ZNF366: variants seen among roughly 807,000 people sequenced by gnomAD.
The protein encoded by ZNF366 is zinc finger protein 366, also known as dendritic cell-specific transcript protein.
ZNF366 carries 20 observed loss-of-function variants against 47.2 expected under a neutral mutation model. That is an observed-to-expected ratio of 0.42 (90% CI 0.30 to 0.62). The LOEUF is 0.62. Ranked by LOEUF, ZNF366 falls within the 20% of genes least tolerant of loss-of-function variation. The pLI is 0.16. For synonymous variants in ZNF366, 421 were observed against 395.1 expected (o/e 1.07, Z -0.78); for missense variants, 987 against 976.3 (o/e 1.01, Z -0.15).
At chr5:72,469,077 A>G (rs552503349) in intron 1 of ZNF366, among the ~76,000 whole-genome samples, 1 of 152,242 alleles carries the variant, frequency 6.6e-6, no homozygotes, top group Non-Finnish European at 1.5e-5. Flanking sequence ...AAATGACAGC[A>G]TATTCAGTCT....
rs1053815061 is a variant in ZNF366 at position 72,447,396 on chromosome 5, G to A, written c.1546C>T (p.Arg516Trp). Residue 516 changes from arginine to tryptophan, a missense_variant, in exon 4 of 5, where the codon CGG becomes TGG. This residue lies in a region of ZNF366 where 111 missense variants were observed against 180.5 expected (regional missense o/e 0.61). Transcript: ENST00000318442. ...KCKLCGKEFN[R>W]MHNLMGHMHL... ...ATGTGGCCCATCAGGTTGTGCATCCGGTTGAATTCCTTCCCACAAAGCTGT... is the reference window on the plus strand; with the variant it reads ...ATGTGGCCCATCAGGTTGTGCATCCAGTTGAATTCCTTCCCACAAAGCTGT... The A allele has an allele frequency of 3.1e-6, 5 of 1,614,162 alleles. No individual in the cohort carries two copies. Among genetic ancestry groups the A allele is most frequent in the Non-Finnish European group, 3.4e-6 (4 of 1,180,026 alleles).
Position 72,440,422 on chromosome 5 carries a change from C to T in ZNF366, c.*3334G>A, listed in dbSNP as rs942554375. ...AAGAAAAATATGCCACTTTGCTGGT[C>T]CATTGATTTGTTCAAAGTGACAGTG... On this transcript the variant is annotated 3_prime_UTR_variant, in exon 5 of 5. Coordinates refer to ENST00000318442, the MANE Select transcript of ZNF366 (RefSeq NM_152625.3). 2.6e-5 allele frequency: 4 copies of T among 152,152 alleles called. No homozygotes were observed. The allele number at this position is 152,152 out of a possible 1,614,324, so 9.4% of individuals were successfully genotyped here.
chr5:72,497,402 T>C (rs1336477485), intron 1 of ZNF366, among the ~76,000 whole-genome samples: 2 of 152,196 alleles, frequency 1.3e-5, no homozygotes, highest in Non-Finnish European at 2.9e-5. Context: ...AAAGACTATT[T>C]TCCCCTCATT....
At chr5:72,464,465 A>G (rs1743392066) in intron 1 of ZNF366, among the ~76,000 whole-genome samples, 2 of 152,206 alleles carry the variant, frequency 1.3e-5, no homozygotes, top group Admixed American at 6.5e-5. Flanking sequence ...TACTCCTAAT[A>G]TAATGTTAAT....
chr5:72,503,551 ACACACG>A (rs1744258041), intron 1 of ZNF366, among the ~76,000 whole-genome samples: 2 of 151,662 alleles, frequency 1.3e-5, no homozygotes, highest in East Asian at 1.9e-4. Context: ...ACACACACAC[ACACACG>A]CACACCTCGA....
intron 2 of ZNF366, 31 bp from the exon 3 acceptor site, chr5:72,456,626 G>A: frequency 6.5e-7 from 1 of 1,548,858 alleles, no homozygotes. Context: ...GAAAAGTGGT[G>A]ATTGACAGGT....
At chr5:72,478,948 T>C (rs1323947213) in intron 1 of ZNF366, among the ~76,000 whole-genome samples, 2 of 152,370 alleles carry the variant, frequency 1.3e-5, no homozygotes, top group South Asian at 2.1e-4. Flanking sequence ...ATGACTCTTA[T>C]AAACACTTGT....
At chr5:72,480,647 G>A (rs958147110) in intron 1 of ZNF366, among the ~76,000 whole-genome samples, 2 of 152,028 alleles carry the variant, frequency 1.3e-5, no homozygotes, top group African/African-American at 2.4e-5. Context: ...CTGGTGAGGC[G>A]AACCTAAGAC....
At chr5:72,475,625 A>T (rs2112339775) in intron 1 of ZNF366, among the ~76,000 whole-genome samples, 1 of 152,336 alleles carries the variant, frequency 6.6e-6, no homozygotes, top group Middle Eastern at 3.4e-3. Context: ...TCAATATACA[A>T]GTCAGAAAAC....
rs534766936 is a variant in ZNF366, at chr5:72,449,544, A to T, written c.1525-2127T>A. ...AAGCCACCATGCCAGGCCAAAAAGAAGCTTTGAACCTAGAGATTCTACATT... is the reference window on the plus strand; with the variant it reads ...AAGCCACCATGCCAGGCCAAAAAGATGCTTTGAACCTAGAGATTCTACATT... On this transcript the variant is annotated intron_variant, in intron 3 of 4. Transcript: ENST00000318442. Among the ~76,000 whole-genome samples the T allele has an allele frequency of 7.9e-5, 12 of 152,296 alleles. 1 individual carries two copies. In the South Asian group the frequency reaches 2.5e-3, roughly 32 times the overall value.
chr5:72,493,655 G>A (rs931207269), intron 1 of ZNF366: 1 of 152,114 alleles, frequency 6.6e-6, no homozygotes, highest in Non-Finnish European at 1.5e-5. Flanking sequence ...TCAGATCAAG[G>A]ACCTCCTGTA....
chr5:72,500,837 T>G (rs1418749807), intron 1 of ZNF366, among the ~76,000 whole-genome samples: 1 of 152,214 alleles, frequency 6.6e-6, no homozygotes, highest in Non-Finnish European at 1.5e-5. Flanking sequence ...AGCTGGGATT[T>G]ATTCTGCATT....
intron 1 of ZNF366, among the ~76,000 whole-genome samples, chr5:72,499,710 G>A (rs538621515): frequency 8.5e-5 from 13 of 152,242 alleles, no homozygotes; most frequent in Non-Finnish European, 1.6e-4. Flanking sequence ...GAAAGAAAAT[G>A]CCTGAACTAG....
At chr5:72,490,161 G>A (rs746800923) in intron 1 of ZNF366, among the ~76,000 whole-genome samples, 3 of 152,194 alleles carry the variant, frequency 2.0e-5, no homozygotes, top group South Asian at 2.1e-4. Flanking sequence ...GAGAAGGGAA[G>A]TCAACAGGGT....
At chr5:72,465,882 G>A (rs1743420334) in intron 1 of ZNF366, among the ~76,000 whole-genome samples, 2 of 152,220 alleles carry the variant, frequency 1.3e-5, no homozygotes, top group Non-Finnish European at 2.9e-5. Flanking sequence ...AGTTACTTTT[G>A]AGGTTTGATT....
intron 1 of ZNF366, among the ~76,000 whole-genome samples, chr5:72,493,946 T>C (rs935391260): frequency 7.5e-6 from 1 of 132,840 alleles, no homozygotes; most frequent in African/African-American, 2.8e-5. Flanking sequence ...TTTTTTTTCA[T>C]ATTTTTAGTA....
At chr5:72,475,442 T>C (rs934782125) in intron 1 of ZNF366, among the ~76,000 whole-genome samples, 1 of 152,162 alleles carries the variant, frequency 6.6e-6, no homozygotes, top group African/African-American at 2.4e-5. Flanking sequence ...GGAAGGAACC[T>C]AAAAGGACTA....
intron 1 of ZNF366, among the ~76,000 whole-genome samples, chr5:72,468,611 C>A (rs1743483431): frequency 6.6e-6 from 1 of 152,096 alleles, no homozygotes; most frequent in African/African-American, 2.4e-5. Flanking sequence ...TGATAAGAAG[C>A]CCTTAGTAAA....
chr5:72,456,837 G>C (rs1043636426), intron 2 of ZNF366, among the ~76,000 whole-genome samples: 2 of 152,064 alleles, frequency 1.3e-5, no homozygotes, highest in Admixed American at 6.6e-5. Context: ...GGAAAAGAAA[G>C]CTCTTGCTTT....
Sources: allele counts gnomAD v4.1 joint callset (sites outside exome capture counted in the v4.1 genomes callset), GRCh38; gene constraint gnomAD v4.1.1; regional missense constraint gnomAD v4.1.1; transcripts MANE v1.5; gene names NCBI Gene and HGNC (gene_info 2026-07-23, HGNC 2026-07-21).